DMRT1: variants seen among roughly 807,000 people sequenced by gnomAD.
DMRT1 encodes doublesex- and mab-3-related transcription factor 1.
DMRT1 carries 7 observed loss-of-function variants against 32.3 expected under a neutral mutation model. The observed-to-expected ratio is 0.22, with a 90% CI of 0.12 to 0.41. The LOEUF is 0.41. Ranked by LOEUF, DMRT1 falls within the 10% of genes least tolerant of loss-of-function variation. The probability of loss-of-function intolerance (pLI) is 1.00; values close to 1 mark genes in which losing one functional copy is unlikely to be tolerated. For synonymous variants in DMRT1, 278 were observed against 206.1 expected, an observed-to-expected ratio of 1.35 and a Z score of -2.99; for missense variants, 625 against 500.5, an observed-to-expected ratio of 1.25 and a Z score of -2.37.
rs987534964 is a variant in DMRT1 at position 915,725 on chromosome 9, G to GT, written c.823-1030dup. Among the ~76,000 whole-genome samples, 11 of 151,328 alleles carry GT rather than the reference G, an allele frequency of 7.3e-5. 1 individual carries two copies. In the East Asian group the frequency reaches 1.4e-3, roughly 19 times the overall value. ...GTTGTTTTACAGTATTTATTTATTT[G>GT]TTTTTTTTAATATATATATATTTTT... On this transcript the variant is annotated intron_variant, in intron 3 of 4. Coordinates refer to ENST00000382276, the MANE Select transcript of DMRT1 (RefSeq NM_021951.3).
chr9:842,159 G>C lies in DMRT1; in HGVS notation c.321G>C (p.Leu107=), dbSNP rs1162243797. Residue 107 remains leucine, a synonymous_variant, in exon 1 of 5, where the codon CTG becomes CTC. Coordinates refer to ENST00000382276, the MANE Select transcript of DMRT1 (RefSeq NM_021951.3). ...ACTGCCAGTGCAAGAAGTGCAACCT[G>C]ATCGCCGAGAGGCAGCGCGTGATGG... ...WRDCQCKKCN[L]IAERQRVMAA... is the part of the protein sequence containing the mutation. 1.9e-6 allele frequency: 3 copies of C among 1,547,766 alleles called. No individual in the cohort carries two copies. The highest frequency in any genetic ancestry group is 2.6e-6 in the Non-Finnish European group (3 of 1,151,992).
Position 841,967 on chromosome 9 carries a change from C to G in DMRT1, c.129C>G (p.Ser43Arg), listed in dbSNP as rs1274677993. Residue 43 changes from serine (S) to arginine (R), a missense_variant, in exon 1 of 5, where the codon AGC becomes AGG. Coordinates refer to ENST00000382276, the MANE Select transcript of DMRT1 (RefSeq NM_021951.3). The part of the protein sequence containing the change: ...KASGALVGAA[S>R]GSSAGGSSRG... ...CTGGGGCGCTAGTGGGGGCGGCCAG[C>G]GGCTCGAGCGCCGGGGGCAGCAGCA... 1.3e-6 allele frequency: 2 copies of G among 1,586,044 alleles called. No homozygotes were observed. The highest frequency in any genetic ancestry group is 1.7e-6 in the Non-Finnish European group (2 of 1,167,084).
rs55759836 is a variant in DMRT1, at chr9:863,149, C to CAAAAAA, written c.538+16020_538+16025dup. Among the ~76,000 whole-genome samples, 284 of 98,198 alleles carry CAAAAAA rather than the reference C, an allele frequency of 2.9e-3. 2 individuals are homozygous for CAAAAAA. The highest frequency in any genetic ancestry group is 6.7e-3 in the African/African-American group (154 of 23,066). The allele number at this position is 98,198 out of a possible 152,430, so 64.4% of individuals were successfully genotyped here. On this transcript the variant is annotated intron_variant, in intron 2 of 4. Transcript: ENST00000382276. ...GGGCAACAGCGAGATCAGGTCTCTACAAAAAAAAAAAAAAAAAAATTAGCC... is the reference window on the plus strand; with the variant it reads ...GGGCAACAGCGAGATCAGGTCTCTACAAAAAAAAAAAAAAAAAAAAAAAAATTAGCC...
intron 3 of DMRT1, among the ~76,000 whole-genome samples, chr9:910,772 T>A (rs1427340036): frequency 6.6e-6 from 1 of 152,116 alleles, no homozygotes; most frequent in Non-Finnish European, 1.5e-5. Context: ...GTTCAGAGAC[T>A]TTGGATGGGT....
intron 4 of DMRT1, among the ~76,000 whole-genome samples, chr9:935,768 C>A (rs1161131302): frequency 6.6e-6 from 1 of 152,176 alleles, no homozygotes; most frequent in Non-Finnish European, 1.5e-5. Context: ...CTGTTTATAT[C>A]CATCCAAGTG....
chr9:910,234 T>C (rs758082764), intron 3 of DMRT1, among the ~76,000 whole-genome samples: 3 of 152,106 alleles, frequency 2.0e-5, no homozygotes, highest in Non-Finnish European at 4.4e-5. Context: ...TGATGAAAAC[T>C]TTTAATAAAT....
chr9:844,492 T>C (rs1037889095), intron 1 of DMRT1, among the ~76,000 whole-genome samples: 4 of 141,598 alleles, frequency 2.8e-5, no homozygotes, highest in Non-Finnish European at 5.9e-5. Context: ...TCTGGCCAGA[T>C]TCATTGATGT....
intron 4 of DMRT1, among the ~76,000 whole-genome samples, chr9:944,496 G>C (rs1227077525): frequency 1.3e-5 from 2 of 152,160 alleles, no homozygotes; most frequent in Non-Finnish European, 2.9e-5. Context: ...AAATAACATG[G>C]TAAAATAAAA....
chr9:936,677 C>G (rs987240235), intron 4 of DMRT1, among the ~76,000 whole-genome samples: 1 of 150,664 alleles, frequency 6.6e-6, no homozygotes, highest in African/African-American at 2.5e-5. Flanking sequence ...TCGCTTGAAC[C>G]TGGGAGGCGG....
chr9:848,308 G>C (rs1208798894), intron 2 of DMRT1, among the ~76,000 whole-genome samples: 1 of 152,162 alleles, frequency 6.6e-6, no homozygotes, highest in African/African-American at 2.4e-5. Flanking sequence ...AAGGGTTCCT[G>C]AGGGTCTTAA....
chr9:967,523 A>G (rs2130023578), intron 4 of DMRT1, among the ~76,000 whole-genome samples: 1 of 152,258 alleles, frequency 6.6e-6, no homozygotes, highest in African/African-American at 2.4e-5. Context: ...TATGCTATCC[A>G]CTTCACCTGC....
intron 3 of DMRT1, among the ~76,000 whole-genome samples, chr9:914,482 G>C (rs570998462): frequency 6.7e-6 from 1 of 148,746 alleles, no homozygotes; most frequent in South Asian, 2.1e-4. Flanking sequence ...GCTGAGGCAG[G>C]AGAATGACGT....
intron 3 of DMRT1, among the ~76,000 whole-genome samples, chr9:905,008 T>C (rs1817718337): frequency 1.3e-5 from 2 of 151,764 alleles, no homozygotes; most frequent in Non-Finnish European, 2.9e-5. Context: ...CGGGGAGAAC[T>C]GTGATGCCTT....
chr9:873,954 T>TG (rs1469086334), intron 2 of DMRT1, among the ~76,000 whole-genome samples: 3 of 152,216 alleles, frequency 2.0e-5, no homozygotes, highest in African/African-American at 4.8e-5. Flanking sequence ...ATATTTAACT[T>TG]GGAAGTGGAA....
At chr9:865,812 C>A (rs1815957169) in intron 2 of DMRT1, among the ~76,000 whole-genome samples, 1 of 152,104 alleles carries the variant, frequency 6.6e-6, no homozygotes, top group African/African-American at 2.4e-5. Context: ...CCTTCTTTTT[C>A]TGTTTTGTTG....
chr9:860,294 C>G (rs1020372441), intron 2 of DMRT1, among the ~76,000 whole-genome samples: 11 of 151,894 alleles, frequency 7.2e-5, no homozygotes, highest in African/African-American at 9.7e-5. Context: ...GAGACTCTGT[C>G]TCAAAAAAAA....
At chr9:880,498 G>GGGCGGATCACCTGAGGTC (rs1240759605) in intron 2 of DMRT1, among the ~76,000 whole-genome samples, 3 of 151,788 alleles carry the variant, frequency 2.0e-5, no homozygotes, top group African/African-American at 7.3e-5. Flanking sequence ...AGGCTGAGGT[G>GGGCGGATCACCTGAGGTC]GGCGGATCAC....
At chr9:959,137 A>G (rs1385951117) in intron 4 of DMRT1, among the ~76,000 whole-genome samples, 1 of 152,254 alleles carries the variant, frequency 6.6e-6, no homozygotes, top group Non-Finnish European at 1.5e-5. Flanking sequence ...GAATCAAATG[A>G]TAAGTCTATT....
intron 4 of DMRT1, among the ~76,000 whole-genome samples, chr9:942,268 C>A (rs936698740): frequency 2.0e-5 from 3 of 152,026 alleles, no homozygotes; most frequent in Non-Finnish European, 4.4e-5. Flanking sequence ...AGAGAAATAT[C>A]AATTTTCCTT....
Sources: gnomAD v4.1 joint callset for allele counts (sites outside exome capture counted in the v4.1 genomes callset) on GRCh38, gnomAD v4.1.1 for gene constraint, MANE v1.5 for transcripts, NCBI Gene and HGNC (gene_info 2026-07-23, HGNC 2026-07-21) for gene names.